GALNT13: variants seen among roughly 807,000 people sequenced by gnomAD.
The protein encoded by GALNT13 is UDP-GalNAc:polypeptide N-acetylgalactosaminyltransferase 13.
Under a neutral mutation model 64.2 loss-of-function variants are expected in GALNT13, and 28 were observed. The observed-to-expected ratio is 0.44, with a 90% confidence interval of 0.32 to 0.60. GALNT13 has a LOEUF of 0.60. Among genes scored for constraint, GALNT13 ranks in the 20% least tolerant of loss-of-function variants. The pLI is 0.05. For synonymous variants in GALNT13, 214 were observed against 224.6 expected (o/e 0.95, Z 0.42); for missense variants, 577 against 669.8 (o/e 0.86, Z 1.53).
At chr2:153,963,632 T>C (rs1693092695) in intron 3 of GALNT13, among the ~76,000 whole-genome samples, 1 of 152,144 alleles carries the variant, frequency 6.6e-6, no homozygotes, top group Admixed American at 6.5e-5. Flanking sequence ...TTAATTGTGG[T>C]ATCTCATTGT....
chr2:153,765,784 T>C, the GALNT13 span, among the ~76,000 whole-genome samples: 2 of 152,114 alleles, frequency 1.3e-5, no homozygotes, highest in Admixed American at 6.5e-5. Flanking sequence ...TGGGGCCAAA[T>C]AGAGATAATT....
the GALNT13 span, among the ~76,000 whole-genome samples, chr2:153,833,325 G>T: frequency 6.6e-6 from 1 of 152,052 alleles, no homozygotes; most frequent in Non-Finnish European, 1.5e-5. Flanking sequence ...AAACATGAAA[G>T]TTCTAGACTT....
At chr2:154,098,090 C>CTTTTTTTT (rs10673538) in intron 3 of GALNT13, among the ~76,000 whole-genome samples, 4 of 134,716 alleles carry the variant, frequency 3.0e-5, no homozygotes, top group African/African-American at 8.4e-5. Flanking sequence ...GCTTGTCTTT[C>CTTTTTTTT]TTTTTTTTTT....
the GALNT13 span, among the ~76,000 whole-genome samples, chr2:153,625,328 A>G: frequency 6.6e-6 from 1 of 152,134 alleles, no homozygotes; most frequent in African/African-American, 2.4e-5. Flanking sequence ...AGCGGAGGTA[A>G]TGATTGCATA....
intron 1 of GALNT13, among the ~76,000 whole-genome samples, chr2:153,891,101 A>G (rs972051945): frequency 2.0e-5 from 3 of 152,108 alleles, no homozygotes; most frequent in Non-Finnish European, 2.9e-5. Flanking sequence ...CCAGAAAGGC[A>G]GTCTAACAGA....
the GALNT13 span, among the ~76,000 whole-genome samples, chr2:153,750,624 A>G: frequency 6.6e-6 from 1 of 151,732 alleles, no homozygotes; most frequent in Non-Finnish European, 1.5e-5. Context: ...TTGCTCATAG[A>G]GGCCACAAAT....
At chr2:153,525,812 G>A in the GALNT13 span, among the ~76,000 whole-genome samples, 1 of 152,172 alleles carries the variant, frequency 6.6e-6, no homozygotes, top group Non-Finnish European at 1.5e-5. Flanking sequence ...GACCAGAGAG[G>A]AGCCCAGTGC....
chr2:153,530,465 C>G, the GALNT13 span, among the ~76,000 whole-genome samples: 6 of 152,020 alleles, frequency 3.9e-5, no homozygotes, highest in African/African-American at 1.4e-4. Flanking sequence ...TCTACAGATT[C>G]AATGCAATCC....
chr2:153,393,637 A>C, the GALNT13 span, among the ~76,000 whole-genome samples: 1 of 152,076 alleles, frequency 6.6e-6, no homozygotes, highest in African/African-American at 2.4e-5. Flanking sequence ...ACATCATTTT[A>C]GGTGTTTCTG....
intron 3 of GALNT13, among the ~76,000 whole-genome samples, chr2:153,992,810 A>G (rs1433474718): frequency 6.6e-6 from 1 of 152,236 alleles, no homozygotes; most frequent in East Asian, 1.9e-4. Context: ...ACTAACAGTG[A>G]AAAAGTCGAT....
chr2:154,186,337 C>T (rs1371164727), intron 4 of GALNT13, among the ~76,000 whole-genome samples: 1 of 152,044 alleles, frequency 6.6e-6, no homozygotes, highest in East Asian at 1.9e-4. Flanking sequence ...TTCAAACAAT[C>T]TCATGATTGC....
chr2:153,108,702 A>G, the GALNT13 span, among the ~76,000 whole-genome samples: 1 of 152,144 alleles, frequency 6.6e-6, no homozygotes, highest in Non-Finnish European at 1.5e-5. Context: ...TAACTCCCAA[A>G]TGTTAAAAGA....
chr2:153,428,647 T>C, the GALNT13 span, among the ~76,000 whole-genome samples: 1 of 152,144 alleles, frequency 6.6e-6, no homozygotes, highest in Non-Finnish European at 1.5e-5. Flanking sequence ...ACATAATTAC[T>C]AGAGAAAGGA....
the GALNT13 span, among the ~76,000 whole-genome samples, chr2:153,300,771 A>C: frequency 6.6e-6 from 1 of 152,188 alleles, no homozygotes; most frequent in Non-Finnish European, 1.5e-5. Context: ...CAATTTTGGA[A>C]AGATGAATGA....
At chr2:154,350,136 A>G (rs1292456347) in intron 9 of GALNT13, among the ~76,000 whole-genome samples, 1 of 152,244 alleles carries the variant, frequency 6.6e-6, no homozygotes, top group Non-Finnish European at 1.5e-5. Context: ...AACATCCATT[A>G]ACTCCTGTGA....
chr2:154,253,843 T>G (rs1023976709), intron 7 of GALNT13, among the ~76,000 whole-genome samples: 1 of 151,698 alleles, frequency 6.6e-6, no homozygotes, highest in South Asian at 2.1e-4. Context: ...CATTACTCAT[T>G]TGTTTGTTAT....
At chr2:154,315,590 C>T (rs976491889) in intron 9 of GALNT13, among the ~76,000 whole-genome samples, 25 of 152,082 alleles carry the variant, frequency 1.6e-4, no homozygotes, top group African/African-American at 5.1e-4. Flanking sequence ...CATACACACA[C>T]GTATACATGA....
chr2:153,611,350 C>A, the GALNT13 span, among the ~76,000 whole-genome samples: 8 of 152,072 alleles, frequency 5.3e-5, no homozygotes, highest in South Asian at 4.1e-4. Context: ...CCCCTGCCCC[C>A]CCGTCCGCCT....
chr2:153,231,046 C>T, the GALNT13 span, among the ~76,000 whole-genome samples: 2 of 152,138 alleles, frequency 1.3e-5, no homozygotes, highest in African/African-American at 4.8e-5. Context: ...GATTAATGCT[C>T]CTCCACTATT....
Sources: allele counts gnomAD v4.1 joint callset (sites outside exome capture counted in the v4.1 genomes callset), GRCh38; gene constraint gnomAD v4.1.1; transcripts MANE v1.5; gene names NCBI Gene and HGNC (gene_info 2026-07-23, HGNC 2026-07-21).